ADCY8: variants seen among roughly 807,000 people sequenced by gnomAD.
ADCY8 encodes the protein adenylate cyclase 8, also known as adenylate cyclase type 8.
ADCY8 carries 51 observed loss-of-function variants against 119.7 expected under a neutral mutation model. The ratio of observed to expected loss-of-function variants is 0.43; its 90% confidence interval spans 0.34 to 0.54. The LOEUF is 0.54. Among genes scored for constraint, ADCY8 ranks in the 20% least tolerant of loss-of-function variants. The pLI is 0.03. For missense variants in ADCY8, 1,383 were observed against 1,598.8 expected, an observed-to-expected ratio of 0.87 and a Z score of 2.30; for synonymous variants, 665 against 651.0, an observed-to-expected ratio of 1.02 and a Z score of -0.33.
intron 5 of ADCY8, among the ~76,000 whole-genome samples, chr8:130,917,763 TTG>T (rs146136196): frequency 0.051 from 7,425 of 146,326 alleles, 478 homozygotes; most frequent in East Asian, 0.29. Flanking sequence ...CACAGGGAGT[TTG>T]TGTGTGTGTG....
Position 130,904,041 on chromosome 8 carries a change from T to C in ADCY8, c.1642A>G (p.Arg548Gly), listed in dbSNP as rs1279923516. 1 of 1,611,542 alleles carries C rather than the reference T, an allele frequency of 6.2e-7. No homozygotes were observed. Among genetic ancestry groups the C allele is most frequent in the South Asian group, 1.1e-5 (1 of 90,724 alleles). Residue 548 changes from arginine to glycine, a missense_variant and splice_region_variant, in exon 7 of 18, where the codon AGG becomes GGG. This residue lies in a region of ADCY8 where 928 missense variants were observed against 1,163.5 expected (regional missense o/e 0.80). Coordinates refer to ENST00000286355, the MANE Select transcript of ADCY8 (RefSeq NM_001115.3). ...NKLESGGIPG[R>G]IHISKATLDC... ...AGCGTGGCTTTGGAAATGTGAATCC[T>C]CCTGTGTGTAGAAGGCATAGGTCAT...
intron 14 of ADCY8, among the ~76,000 whole-genome samples, chr8:130,807,756 G>A (rs1424953968): frequency 1.3e-5 from 2 of 151,454 alleles, no homozygotes; most frequent in Non-Finnish European, 2.9e-5. Context: ...AGGCCGAGGC[G>A]GGCGGATCAC....
chr8:130,782,746 A>C (rs954359795), intron 17 of ADCY8, among the ~76,000 whole-genome samples: 7 of 152,348 alleles, frequency 4.6e-5, no homozygotes, highest in African/African-American at 1.7e-4. Flanking sequence ...TAAGCCCTTT[A>C]ATGCAAAGAG....
At chr8:130,796,873 A>T (rs941999514) in intron 15 of ADCY8, among the ~76,000 whole-genome samples, 4 of 144,374 alleles carry the variant, frequency 2.8e-5, no homozygotes, top group Non-Finnish European at 6.0e-5. Context: ...TCTTATTCAT[A>T]CTTTTCCTCC....
At chr8:130,866,328 T>C (rs1254596796) in intron 9 of ADCY8, among the ~76,000 whole-genome samples, 1 of 120,588 alleles carries the variant, frequency 8.3e-6, no homozygotes, top group Non-Finnish European at 1.8e-5. Flanking sequence ...ATTAGTTAAC[T>C]TGAACATCTT....
intron 14 of ADCY8, among the ~76,000 whole-genome samples, chr8:130,807,962 T>C (rs2664386): frequency 0.46 from 43,583 of 94,646 alleles, 10,252 homozygotes; most frequent in East Asian, 0.59. Flanking sequence ...CCAGCCTGGG[T>C]GACAGAGCGA....
chr8:130,834,704 A>T (rs1816932877), intron 12 of ADCY8, among the ~76,000 whole-genome samples: 1 of 152,240 alleles, frequency 6.6e-6, no homozygotes, highest in Admixed American at 6.5e-5. Context: ...AAATCCATAT[A>T]TATCAACCTA....
chr8:130,995,606 A>T (rs867872708), intron 1 of ADCY8, among the ~76,000 whole-genome samples: 44 of 151,882 alleles, frequency 2.9e-4, no homozygotes, highest in African/African-American at 9.9e-4. Context: ...CCTTCATTAG[A>T]TTTTTATCAT....
rs548400909 is a variant in ADCY8, at chr8:130,844,153, G to A, written c.2502+3271C>T. Among the ~76,000 whole-genome samples, 210 of 152,282 alleles carry A rather than the reference G, an allele frequency of 1.4e-3. 1 individual carries two copies. Among genetic ancestry groups the A allele is most frequent in the African/African-American group, 4.9e-3 (202 of 41,564 alleles). ...CAGATGTGCCAGAGCATATAATAAA[G>A]GGGCGTAATTCTAAAGTGAGGGTCT... is the stretch of plus-strand genomic sequence containing the variant. On this transcript the variant is annotated intron_variant, in intron 11 of 17. Coordinates refer to ENST00000286355, the MANE Select transcript of ADCY8 (RefSeq NM_001115.3).
chr8:130,907,625 G>A (rs948553516), intron 6 of ADCY8, among the ~76,000 whole-genome samples: 2 of 152,204 alleles, frequency 1.3e-5, no homozygotes, highest in South Asian at 4.1e-4. Flanking sequence ...TAACTGGTAA[G>A]TAGTAAACCC....
chr8:130,822,609 C>G (rs902540939), intron 12 of ADCY8, among the ~76,000 whole-genome samples: 18 of 150,110 alleles, frequency 1.2e-4, no homozygotes, highest in African/African-American at 4.4e-4. Flanking sequence ...CAGCCATCCA[C>G]CATCACCATC....
rs1194114716 is a variant in ADCY8, at chr8:131,039,642, A to G, written c.692T>C (p.Val231Ala). 1.9e-6 allele frequency: 3 copies of G among 1,614,020 alleles called. No homozygotes were observed. Among genetic ancestry groups the G allele is most frequent in the South Asian group, 2.2e-5 (2 of 91,076 alleles). Residue 231 changes from valine (V) to alanine (A), a missense_variant, in exon 1 of 18, where the codon GTG becomes GCG. Physicochemically the swap from Val to Ala is moderately conservative, Grantham distance 64. Transcript: ENST00000286355. ...GIEVVICALV[V>A]VRKDTTSHTY... ...GTGGGAGGTGGTGTCCTTCCTGACC[A>G]CCACCAGGGCGCAGATCACTACCTC...
At chr8:130,894,802 T>A (rs1362904587) in intron 7 of ADCY8, among the ~76,000 whole-genome samples, 1 of 152,204 alleles carries the variant, frequency 6.6e-6, no homozygotes, top group Non-Finnish European at 1.5e-5. Flanking sequence ...AAGACCCTTG[T>A]GTTTGTGTAG....
intron 15 of ADCY8, among the ~76,000 whole-genome samples, chr8:130,798,346 A>G (rs1004296552): frequency 1.3e-5 from 2 of 152,204 alleles, no homozygotes; most frequent in African/African-American, 4.8e-5. Flanking sequence ...AGTAGCGTTG[A>G]ATTGACTGTT....
chr8:130,852,515 G>A (rs1221951078), intron 9 of ADCY8, among the ~76,000 whole-genome samples: 26 of 152,068 alleles, frequency 1.7e-4, no homozygotes. Flanking sequence ...TGAGAGAGGG[G>A]GCCAATTGCA....
chr8:130,865,872 T>G (rs1586501778), intron 9 of ADCY8, among the ~76,000 whole-genome samples: 1 of 152,172 alleles, frequency 6.6e-6, no homozygotes, highest in East Asian at 1.9e-4. Flanking sequence ...CATAGTGTCT[T>G]GATGGTTCCA....
intron 1 of ADCY8, among the ~76,000 whole-genome samples, chr8:131,004,276 C>G (rs1823045039): frequency 6.6e-6 from 1 of 152,156 alleles, no homozygotes; most frequent in African/African-American, 2.4e-5. Flanking sequence ...TGATCTGCCT[C>G]CCAACACCCT....
At chr8:130,892,231 G>A (rs1819213307) in intron 7 of ADCY8, 1 of 152,072 alleles carries the variant, frequency 6.6e-6, no homozygotes, top group African/African-American at 2.4e-5. Context: ...CTGTTGTCTG[G>A]TTTCCCAGTT....
chr8:130,926,861 T>G (rs1212699324), intron 5 of ADCY8, among the ~76,000 whole-genome samples: 3 of 152,042 alleles, frequency 2.0e-5, no homozygotes, highest in African/African-American at 7.3e-5. Flanking sequence ...GCTTATATTT[T>G]TTAACATAAT....
Sources: allele counts gnomAD v4.1 joint callset (sites outside exome capture counted in the v4.1 genomes callset), GRCh38; gene constraint gnomAD v4.1.1; regional missense constraint gnomAD v4.1.1; transcripts MANE v1.5; gene names NCBI Gene and HGNC (gene_info 2026-07-23, HGNC 2026-07-21).